YJU2B: variants seen among roughly 807,000 people sequenced by gnomAD.
YJU2B encodes the protein YJU2 splicing factor homolog B.
YJU2B carries 18 observed loss-of-function variants against 38.0 expected under a neutral mutation model. The ratio of observed to expected loss-of-function variants is 0.47; its 90% CI spans 0.33 to 0.70. The LOEUF (loss-of-function observed/expected upper bound fraction) is 0.70. Among genes scored for constraint, YJU2B ranks in the 30% least tolerant of loss-of-function variants. The pLI, the probability that YJU2B is intolerant of heterozygous loss-of-function variation, is 0.02. For synonymous variants in YJU2B, 246 were observed against 225.4 expected (o/e 1.09, Z -0.82); for missense variants, 538 against 556.3 (o/e 0.97, Z 0.33).
intron 5 of YJU2B, 62 bp from the exon 6 acceptor site, chr19:13,757,724 T>C: frequency 6.5e-7 from 1 of 1,527,476 alleles, no homozygotes; most frequent in Non-Finnish European, 9.1e-7. Flanking sequence ...TGTACCTCAT[T>C]TTACCCATCT....
rs75005616 is a variant in YJU2B at position 13,758,706 on chromosome 19, G to A, written c.258-162G>A. ...GACAGAAGGTCCGTTCTGGGTGCCC[G>A]GATGTGCCCCTTTTTGCCCGTGGCT... On this transcript the variant is annotated intron_variant, in intron 6 of 9. Coordinates refer to ENST00000221554, the MANE Select transcript of YJU2B (RefSeq NM_030818.4). 5.4e-3 allele frequency among the ~76,000 whole-genome samples: 817 copies of A among 152,088 alleles called. 12 individuals carry two copies. Among genetic ancestry groups the A allele is most frequent in the African/African-American group, 0.018 (758 of 41,496 alleles).
At chr19:13,734,576 C>T (rs1972897747) in intron 2 of YJU2B, among the ~76,000 whole-genome samples, 1 of 151,402 alleles carries the variant, frequency 6.6e-6, no homozygotes, top group South Asian at 2.1e-4. Flanking sequence ...AGGCGTGAGC[C>T]ACCGCGCCCG....
intron 4 of YJU2B, among the ~76,000 whole-genome samples, chr19:13,756,598 C>A (rs1973676406): frequency 6.6e-6 from 1 of 152,122 alleles, no homozygotes. Context: ...GGGACTTGAC[C>A]TGTACAGCTG....
chr19:13,743,544 T>C (rs371360773), upstream of YJU2B, among the ~76,000 whole-genome samples: 315 of 125,246 alleles, frequency 2.5e-3, no homozygotes, highest in Middle Eastern at 0.024. Flanking sequence ...CATGCCACTG[T>C]ACTCCAGCCT....
intron 8 of YJU2B, among the ~76,000 whole-genome samples, chr19:13,761,949 A>G (rs927959075): frequency 2.0e-5 from 3 of 151,780 alleles, no homozygotes; most frequent in Non-Finnish European, 4.4e-5. Context: ...GTCTCAAACT[A>G]CTGGCCTCAA....
chr19:13,762,933 G>C lies in YJU2B; in HGVS notation c.1056G>C (p.Gln352His). 1.9e-6 allele frequency: 3 copies of C among 1,612,004 alleles called. No homozygotes were observed. In the African/African-American group the frequency reaches 4.0e-5, roughly 21 times the overall value. ...CCAAGTGCAGCAGCCCGAGGGGGCA[G>C]GAAGGGAGCCGTCAGGACAAGCCCC... ...ETPKCSSPRGQEGSRQDKPLS... is the reference protein window; with the variant it reads ...ETPKCSSPRGHEGSRQDKPLS... Residue 352 changes from glutamine (Q) to histidine (H), a missense_variant, in exon 10 of 10, where the codon CAG (glutamine) becomes CAC (histidine). Transcript: ENST00000221554.
chr19:13,745,696 G>C (rs201585831), upstream of YJU2B, among the ~76,000 whole-genome samples: 4 of 46,120 alleles, frequency 8.7e-5, no homozygotes, highest in Admixed American at 2.2e-4. Flanking sequence ...GATAGATATA[G>C]ATATATAGAT....
At chr19:13,745,706 T>TAGAG (rs1568280974), upstream of YJU2B, among the ~76,000 whole-genome samples, 6 of 47,990 alleles carry the variant, frequency 1.3e-4, no homozygotes, top group Non-Finnish European at 2.3e-4. Flanking sequence ...GATATATAGA[T>TAGAG]ATCTATAGAT....
At position 13,751,529 on chromosome 19, in the gene YJU2B, G is replaced by A. The variant is rs972183660; in HGVS notation, c.-201-79G>A. 4.0e-4 allele frequency: 186 copies of A among 466,830 alleles called. 1 individual carries two copies. Among genetic ancestry groups the A allele is most frequent in the Non-Finnish European group, 6.4e-4 (167 of 259,242 alleles). 28.9% of individuals were successfully genotyped at this position (466,830 alleles called of 1,614,324 possible). A position where few individuals can be genotyped will look rare whatever the true frequency, so the allele number is the denominator to read the frequency against. ...TGATGATGGGTGCTGGACCCGGTGG[G>A]GGCCACAGAGGGATGAAAGTGTCAG... On this transcript the variant is annotated intron_variant, in intron 1 of 9. Coordinates refer to ENST00000221554, the MANE Select transcript of YJU2B (RefSeq NM_030818.4).
In YJU2B at chr19:13,763,038, G is replaced by A; in HGVS notation, c.1161G>A (p.Val387=). Residue 387 remains valine (V), a synonymous_variant, in exon 10 of 10, where the codon GTG becomes GTA. Coordinates refer to ENST00000221554, the MANE Select transcript of YJU2B (RefSeq NM_030818.4). The part of the protein sequence containing the change: ...RHPCSLGSSL[V]ADYSDSESE ...CCTGCAGTCTCGGCTCCTCCCTCGT[G>A]GCGGACTACTCCGACTCGGAGAGTG... 6.3e-7 allele frequency: 1 copy of A among 1,575,998 alleles called. No homozygotes were observed. The highest frequency in any genetic ancestry group is 8.6e-7 in the Non-Finnish European group (1 of 1,160,274).
intron 3 of YJU2B, 43 bp from the exon 4 acceptor site, chr19:13,756,154 C>G: frequency 6.5e-7 from 1 of 1,530,464 alleles, no homozygotes; most frequent in Non-Finnish European, 9.1e-7. Flanking sequence ...GTGAGCTCCT[C>G]CAGCTCAGCA....
chr19:13,742,225 T>TC (rs1486668593), intron 2 of YJU2B, among the ~76,000 whole-genome samples: 1 of 150,388 alleles, frequency 6.6e-6, no homozygotes, highest in South Asian at 2.1e-4. Context: ...CTGCCTACAT[T>TC]CCCCATTTCT....
At chr19:13,748,107 G>A (rs1399712333) in intron 1 of YJU2B, among the ~76,000 whole-genome samples, 153 bp downstream of exon 1, 3 of 152,176 alleles carry the variant, frequency 2.0e-5, no homozygotes, top group Non-Finnish European at 4.4e-5. Context: ...GTCCCAGCCA[G>A]GACCAAAGTC....
upstream of YJU2B, among the ~76,000 whole-genome samples, chr19:13,746,767 C>T (rs920630046): frequency 3.3e-5 from 5 of 151,994 alleles, no homozygotes; most frequent in Non-Finnish European, 5.9e-5. Flanking sequence ...AATAGCCGGG[C>T]GTGGTGGAAG....
intron 4 of YJU2B, among the ~76,000 whole-genome samples, chr19:13,757,015 C>G (rs1409829672): frequency 6.6e-6 from 1 of 151,778 alleles, no homozygotes; most frequent in Admixed American, 6.6e-5. Context: ...GTGGCGCACA[C>G]CTATAATCCC....
chr19:13,745,920 A>G (rs1568281344), upstream of YJU2B, among the ~76,000 whole-genome samples: 1 of 152,008 alleles, frequency 6.6e-6, no homozygotes, highest in Non-Finnish European at 1.5e-5. Flanking sequence ...TCAGCTGTTG[A>G]ATGAACAAAT....
intron 2 of YJU2B, among the ~76,000 whole-genome samples, chr19:13,738,771 T>G (rs1272198241): frequency 6.6e-6 from 1 of 151,384 alleles, no homozygotes; most frequent in Non-Finnish European, 1.5e-5. Flanking sequence ...GTGCCTATAG[T>G]CCCAGCTACT....
chr19:13,733,949 G>A (rs1972882051), intron 2 of YJU2B, among the ~76,000 whole-genome samples: 1 of 152,028 alleles, frequency 6.6e-6, no homozygotes. Context: ...ATTTTGAGAG[G>A]CAGGATCTCA....
upstream of YJU2B, among the ~76,000 whole-genome samples, chr19:13,744,500 T>G (rs1448061916): frequency 6.6e-6 from 1 of 152,312 alleles, no homozygotes; most frequent in Non-Finnish European, 1.5e-5. Flanking sequence ...TTTTGGATCA[T>G]TATGTCTTTT....
Sources: allele counts gnomAD v4.1 joint callset (sites outside exome capture counted in the v4.1 genomes callset), GRCh38; gene constraint gnomAD v4.1.1; transcripts MANE v1.5; gene names NCBI Gene and HGNC (gene_info 2026-07-23, HGNC 2026-07-21).